HDAC9: variants seen among roughly 807,000 people sequenced by gnomAD.
HDAC9 encodes MEF-2 interacting transcription repressor (MITR) protein.
Under a neutral mutation model 139.4 loss-of-function variants are expected in HDAC9, and 41 were observed. The observed-to-expected ratio is 0.29, with a 90% CI of 0.23 to 0.38. The LOEUF is 0.38. Among genes scored for constraint, HDAC9 ranks in the 10% least tolerant of loss-of-function variants. HDAC9 has a pLI of 1.00. For synonymous variants in HDAC9, 517 were observed against 476.2 expected (o/e 1.09, Z -1.12); for missense variants, 1,147 against 1,297.0 (o/e 0.88, Z 1.78).
chr7:18,719,542 G>C (rs1055804421), intron 12 of HDAC9, among the ~76,000 whole-genome samples: 1 of 151,946 alleles, frequency 6.6e-6, no homozygotes, highest in Non-Finnish European at 1.5e-5. Flanking sequence ...GTTTCACCAC[G>C]TTGGCCAGGC....
chr7:18,794,497 T>C (rs1347681433), intron 17 of HDAC9, among the ~76,000 whole-genome samples: 1 of 152,228 alleles, frequency 6.6e-6, no homozygotes, highest in Non-Finnish European at 1.5e-5. Flanking sequence ...TACGGAAATA[T>C]AATTTTGATA....
intron 2 of HDAC9, among the ~76,000 whole-genome samples, chr7:18,244,811 A>AT (rs1170167328): frequency 1.8e-4 from 14 of 79,776 alleles, no homozygotes; most frequent in South Asian, 7.1e-4. Flanking sequence ...CTCTGTCTCA[A>AT]AAATAATAAT....
At chr7:18,634,896 A>G (rs1258868832) in intron 8 of HDAC9, among the ~76,000 whole-genome samples, 154 bp downstream of exon 8, 1 of 152,134 alleles carries the variant, frequency 6.6e-6, no homozygotes. Flanking sequence ...ATTGAAAAAA[A>G]TTGATATTTA....
chr7:18,286,097 C>T (rs112900931), upstream of HDAC9, among the ~76,000 whole-genome samples: 239 of 152,126 alleles, frequency 1.6e-3, 1 homozygote, highest in African/African-American at 5.5e-3. Context: ...AGTTCACAAA[C>T]TGTATAATCT....
intron 17 of HDAC9, among the ~76,000 whole-genome samples, chr7:18,821,880 A>T (rs1795000794): frequency 6.6e-6 from 1 of 152,160 alleles, no homozygotes; most frequent in Admixed American, 6.5e-5. Context: ...AACTTCCAGA[A>T]CTCAGGAAAT....
chr7:18,416,676 T>G (rs1789096920), intron 1 of HDAC9, among the ~76,000 whole-genome samples: 1 of 152,140 alleles, frequency 6.6e-6, no homozygotes, highest in Non-Finnish European at 1.5e-5. Flanking sequence ...TTCAATTCAA[T>G]TGAAAAAAAT....
In HDAC9 at chr7:18,497,929, T is replaced by A. The variant is rs558182360; in HGVS notation, c.22+1605T>A. Among the ~76,000 whole-genome samples, 4 of 152,218 alleles carry A rather than the reference T, an allele frequency of 2.6e-5. No individual in the cohort carries two copies. The South Asian group carries it at 8.3e-4, about 32-fold the overall frequency. On this transcript the variant is annotated intron_variant, in intron 2 of 25. Coordinates refer to ENST00000686413, the MANE Select transcript of HDAC9 (RefSeq NM_178425.4). ...GCTTTTTTCTCCACATCTTTGATAA[T>A]CACATACAGCTTTACACCCATTTCA...
intron 1 of HDAC9, among the ~76,000 whole-genome samples, chr7:18,306,807 G>A (rs189246197): frequency 6.6e-6 from 1 of 152,144 alleles, no homozygotes; most frequent in African/African-American, 2.4e-5. Context: ...ACTCCAACCA[G>A]ACTTATTTAC....
chr7:18,548,254 TG>T (rs1183190328), intron 2 of HDAC9, among the ~76,000 whole-genome samples: 3 of 152,114 alleles, frequency 2.0e-5, no homozygotes, highest in African/African-American at 7.2e-5. Flanking sequence ...GTGTGGTTCG[TG>T]GTGCTCCAAA....
chr7:18,883,275 G>A (rs1252795423), intron 22 of HDAC9, among the ~76,000 whole-genome samples: 1 of 151,802 alleles, frequency 6.6e-6, no homozygotes, highest in Non-Finnish European at 1.5e-5. Context: ...TTGAGAGTCA[G>A]AAAAAAACGT....
intron 21 of HDAC9, among the ~76,000 whole-genome samples, chr7:18,840,882 T>C (rs922271402): frequency 6.6e-6 from 1 of 152,122 alleles, no homozygotes; most frequent in African/African-American, 2.4e-5. Flanking sequence ...AATATAAGAA[T>C]CATGGCTTCC....
chr7:18,535,961 G>C (rs989392365), intron 2 of HDAC9, among the ~76,000 whole-genome samples: 1 of 152,160 alleles, frequency 6.6e-6, no homozygotes, highest in African/African-American at 2.4e-5. Context: ...AGGAGAAGCT[G>C]TAGATGCCCC....
intron 1 of HDAC9, among the ~76,000 whole-genome samples, chr7:18,138,588 G>A (rs562237005): frequency 1.2e-3 from 180 of 146,404 alleles, no homozygotes; most frequent in African/African-American, 3.7e-3. Flanking sequence ...AGTTATTTGG[G>A]TTTTGGCTCA....
chr7:18,137,660 T>G (rs1386578239), intron 1 of HDAC9, among the ~76,000 whole-genome samples: 1 of 151,068 alleles, frequency 6.6e-6, no homozygotes, highest in African/African-American at 2.4e-5. Context: ...GAAGCCCACT[T>G]GATCATGGTG....
intron 13 of HDAC9, among the ~76,000 whole-genome samples, chr7:18,731,719 G>A (rs912396173): frequency 2.6e-5 from 4 of 152,070 alleles, no homozygotes; most frequent in East Asian, 3.9e-4. Context: ...TCCGCCTCCC[G>A]GGTTCAAGTG....
chr7:18,326,726 G>A (rs1386964208), intron 1 of HDAC9, among the ~76,000 whole-genome samples: 1 of 151,952 alleles, frequency 6.6e-6, no homozygotes, highest in African/African-American at 2.4e-5. Flanking sequence ...TACTGCATGG[G>A]CTATGTTGTT....
At chr7:18,424,305 C>T (rs1789913873) in intron 1 of HDAC9, among the ~76,000 whole-genome samples, 2 of 152,174 alleles carry the variant, frequency 1.3e-5, no homozygotes, top group African/African-American at 4.8e-5. Context: ...ATCTTACTGA[C>T]TGTGGACATT....
chr7:18,500,245 A>G (rs995797671), intron 2 of HDAC9, among the ~76,000 whole-genome samples: 1 of 152,202 alleles, frequency 6.6e-6, no homozygotes, highest in African/African-American at 2.4e-5. Context: ...GAATTCAAAA[A>G]ATATTCTAAA....
intron 1 of HDAC9, among the ~76,000 whole-genome samples, chr7:18,336,500 A>G (rs1290451104): frequency 6.6e-6 from 1 of 151,642 alleles, no homozygotes; most frequent in African/African-American, 2.4e-5. Flanking sequence ...TAACATATGT[A>G]CTTTTCACTA....
Sources: allele counts gnomAD v4.1 joint callset (sites outside exome capture counted in the v4.1 genomes callset), GRCh38; gene constraint gnomAD v4.1.1; transcripts MANE v1.5; gene names NCBI Gene and HGNC (gene_info 2026-07-23, HGNC 2026-07-21).